Variants in HECTD4 observed in about 807,000 individuals in gnomAD.
The protein encoded by HECTD4 is HECT domain E3 ubiquitin protein ligase 4.
In HECTD4, 114 loss-of-function variants were observed where a neutral mutation model predicts 471.5. The observed-to-expected ratio is 0.24, with a 90% CI of 0.21 to 0.28. HECTD4 has a LOEUF of 0.28. HECTD4 is among the 10% of genes least tolerant of loss of function. The pLI is 1.00. For missense variants in HECTD4, 3,866 were observed against 5,651.5 expected (o/e 0.68, Z 10.13); for synonymous variants, 2,012 against 2,256.0 (o/e 0.89, Z 3.07).
intron 44 of HECTD4, among the ~76,000 whole-genome samples, chr12:112,223,172 A>T (rs998160847): frequency 2.6e-5 from 4 of 152,158 alleles, no homozygotes; most frequent in African/African-American, 9.7e-5. Context: ...CTGACTTTGT[A>T]ATCATGCTTC....
At chr12:112,195,123 C>A in intron 55 of HECTD4, 57 bp from the exon 56 acceptor site, 1 of 1,459,748 alleles carries the variant, frequency 6.9e-7, no homozygotes, top group South Asian at 1.2e-5. Context: ...GCCCCCATAC[C>A]GGGACCAGGC....
Position 112,179,141 on chromosome 12 carries a change from C to T in HECTD4, c.11211+33G>A, listed in dbSNP as rs1338007628. ...GGTTCGCCCTGCAGGGCACCCAAGG[C>T]CCGGCCTGGGTATGGTGGGGACGGG... On this transcript the variant is annotated intron_variant, in intron 63 of 75. Coordinates refer to ENST00000682272, the MANE Select transcript of HECTD4 (RefSeq NM_001388303.1). This position sits in a 1 kb window ranked among gnomAD's most constrained non-coding sequence, Gnocchi z 4.3. The T allele has an allele frequency of 6.2e-7, 1 of 1,613,374 alleles. No individual in the cohort carries two copies. Among genetic ancestry groups the T allele is most frequent in the South Asian group, 1.1e-5 (1 of 90,944 alleles).
Position 112,219,454 on chromosome 12 carries a change from G to A in HECTD4, c.7006C>T (p.Arg2336Trp), listed in dbSNP as rs775571437. ...CAGTCCCGGTAGAGCATCCTCAGCC[G>A]TTCACACTGTACCTCCACAACTGCA... is the stretch of plus-strand genomic sequence containing the variant. ...RLAVVEVQCE[R>W]LRMLYRDCAR... Residue 2336 changes from arginine to tryptophan, a missense_variant, in exon 45 of 76, where the codon CGG (arginine) becomes TGG (tryptophan). Physicochemically the swap from Arg to Trp is moderately radical, Grantham distance 101 (BLOSUM62 -3). This residue lies in a region of HECTD4 where 617 missense variants were observed against 915.1 expected (regional missense o/e 0.67). Coordinates refer to ENST00000682272, the MANE Select transcript of HECTD4 (RefSeq NM_001388303.1). The A allele has an allele frequency of 5.0e-6, 8 of 1,613,732 alleles. No homozygotes were observed. The highest frequency in any genetic ancestry group is 5.9e-6 in the Non-Finnish European group (7 of 1,179,778).
At chr12:112,312,424 T>C (rs2035391386) in intron 4 of HECTD4, among the ~76,000 whole-genome samples, 1 of 152,190 alleles carries the variant, frequency 6.6e-6, no homozygotes, top group African/African-American at 2.4e-5. Context: ...GACATTTTAC[T>C]GAGTGAATGG....
chr12:112,337,648 T>C (rs1357053999), intron 1 of HECTD4, among the ~76,000 whole-genome samples: 3 of 152,190 alleles, frequency 2.0e-5, no homozygotes, highest in Admixed American at 2.0e-4. Flanking sequence ...GAAATAATAG[T>C]TATAATGCAT....
intron 4 of HECTD4, 44 bp downstream of exon 4, chr12:112,312,973 T>C (rs759246134): frequency 4.6e-6 from 7 of 1,511,060 alleles, no homozygotes; most frequent in Non-Finnish European, 6.2e-6. Flanking sequence ...AACCTCTTTA[T>C]TTACATCTTA....
chr12:112,344,712 A>C (rs2036114891), intron 1 of HECTD4, among the ~76,000 whole-genome samples: 1 of 152,188 alleles, frequency 6.6e-6, no homozygotes. Flanking sequence ...TGAGGTCAGG[A>C]GTTCAAGACC....
At chr12:112,329,623 G>A (rs899701121) in intron 1 of HECTD4, among the ~76,000 whole-genome samples, 51 of 151,958 alleles carry the variant, frequency 3.4e-4, no homozygotes, top group African/African-American at 9.9e-4. Flanking sequence ...CCACCTCGGC[G>A]TCCCAAAGTG....
intron 1 of HECTD4, among the ~76,000 whole-genome samples, chr12:112,364,645 A>G (rs2036525331): frequency 1.3e-5 from 2 of 151,012 alleles, no homozygotes; most frequent in South Asian, 4.2e-4. Flanking sequence ...ACTTGAATCA[A>G]TTGAGCCCGG....
chr12:112,255,537 T>G (rs80329803), intron 21 of HECTD4, among the ~76,000 whole-genome samples: 2,380 of 152,270 alleles, frequency 0.016, 45 homozygotes, highest in Non-Finnish European at 0.024. Context: ...TAGAATTTTT[T>G]TAAAAGTCAG....
chr12:112,162,154 A>T lies in HECTD4; in HGVS notation c.*233T>A. On this transcript the variant is annotated 3_prime_UTR_variant, in exon 76 of 76. Coordinates refer to ENST00000682272, the MANE Select transcript of HECTD4 (RefSeq NM_001388303.1). This position sits in a 1 kb window ranked among gnomAD's most constrained non-coding sequence, Gnocchi z 5.2. Reference sequence around the variant, plus strand: ...TAGACACAAACTGTCTGGGAACTAAACTATCCTACAAATAGACCACAAACA... The same window carrying T: ...TAGACACAAACTGTCTGGGAACTAATCTATCCTACAAATAGACCACAAACA... 1 of 511,368 alleles carries T rather than the reference A, an allele frequency of 2.0e-6. No homozygotes were observed. Among genetic ancestry groups the T allele is most frequent in the Non-Finnish European group, 3.5e-6 (1 of 286,384 alleles). The allele number at this position is 511,368 out of a possible 1,614,324, so 31.7% of individuals were successfully genotyped here.
At chr12:112,380,242 C>T (rs993849333) in intron 1 of HECTD4, among the ~76,000 whole-genome samples, 6 of 152,164 alleles carry the variant, frequency 3.9e-5, no homozygotes, top group South Asian at 2.1e-4. Context: ...GTCAGGAGTT[C>T]GAGACCAGCC....
At chr12:112,342,839 T>A (rs537867223) in intron 1 of HECTD4, among the ~76,000 whole-genome samples, 1 of 152,328 alleles carries the variant, frequency 6.6e-6, no homozygotes, top group African/African-American at 2.4e-5. Flanking sequence ...CTTTCCAATA[T>A]GCTTTTTCAC....
chr12:112,244,853 T>C (rs1490759913), intron 29 of HECTD4, among the ~76,000 whole-genome samples: 1 of 152,210 alleles, frequency 6.6e-6, no homozygotes, highest in African/African-American at 2.4e-5. Flanking sequence ...CTATAAGATA[T>C]ACTCCTTAAC....
At chr12:112,170,698 AATG>A (rs2031180595) in intron 68 of HECTD4, 4 of 513,676 alleles carry the variant, frequency 7.8e-6, no homozygotes, top group Non-Finnish European at 1.4e-5. Flanking sequence ...GAATGTAGAA[AATG>A]ATACCTATTT....
chr12:112,170,911 C>G, intron 68 of HECTD4: 1 of 524,752 alleles, frequency 1.9e-6, no homozygotes, highest in South Asian at 3.1e-5. Context: ...TTTTATTTTT[C>G]AGAGCATGTT....
chr12:112,217,009 G>T (rs1361001296), intron 46 of HECTD4, 25 bp downstream of exon 46: 1 of 1,594,078 alleles, frequency 6.3e-7, no homozygotes, highest in Non-Finnish European at 8.6e-7. Context: ...AGATGCAAAA[G>T]ACAGTGTGTC....
intron 52 of HECTD4, among the ~76,000 whole-genome samples, chr12:112,207,069 G>A (rs2135538931): frequency 6.6e-6 from 1 of 152,288 alleles, no homozygotes; most frequent in South Asian, 2.1e-4. Flanking sequence ...AAAAGGAACA[G>A]TGGGTATGAG....
At chr12:112,253,000 G>T (rs781077889) in intron 22 of HECTD4, among the ~76,000 whole-genome samples, 30 of 151,584 alleles carry the variant, frequency 2.0e-4, no homozygotes, top group Non-Finnish European at 3.4e-4. Context: ...TTTTTGTAGA[G>T]ACAAGGTCTC....
Sources: allele counts gnomAD v4.1 joint callset (sites outside exome capture counted in the v4.1 genomes callset), GRCh38; gene constraint gnomAD v4.1.1; regional missense constraint gnomAD v4.1.1; non-coding constraint Gnocchi (gnomAD v3.1); transcripts MANE v1.5; gene names NCBI Gene and HGNC (gene_info 2026-07-23, HGNC 2026-07-21).